Variants in NWD2 observed in about 807,000 individuals in gnomAD.
The protein encoded by NWD2 is NACHT and WD repeat domain containing 2.
Under a neutral mutation model 132.7 loss-of-function variants are expected in NWD2, and 37 were observed. The ratio of observed to expected loss-of-function variants is 0.28; its 90% CI spans 0.21 to 0.37. NWD2 has a LOEUF of 0.37. Among genes scored for constraint, NWD2 ranks in the 10% least tolerant of loss-of-function variants. The pLI, the probability that NWD2 is intolerant of heterozygous loss-of-function variation, is 1.00. For synonymous variants in NWD2, 705 were observed against 803.0 expected, an observed-to-expected ratio of 0.88 and a Z score of 2.06; for missense variants, 1,592 against 2,122.4, an observed-to-expected ratio of 0.75 and a Z score of 4.91.
rs376480832 is a variant in NWD2 at position 37,278,190 on chromosome 4, C to T, written c.151+32972C>T. 9.9e-5 allele frequency among the ~76,000 whole-genome samples: 15 copies of T among 152,188 alleles called. No individual in the cohort carries two copies. The East Asian group carries it at 2.1e-3, about 22-fold the overall frequency. ...ACTTTTATCTGTGCCCTTTAAGGTC[C>T]ATTTACATAACCTTAGGTTTAGTTA... On this transcript the variant is annotated intron_variant, in intron 1 of 6. Transcript: ENST00000309447.
chr4:37,270,152 T>A (rs998095114), intron 1 of NWD2, among the ~76,000 whole-genome samples: 3 of 151,776 alleles, frequency 2.0e-5, no homozygotes, highest in Non-Finnish European at 4.4e-5. Flanking sequence ...GACTCATTTT[T>A]AAAAAATAAC....
intron 5 of NWD2, among the ~76,000 whole-genome samples, chr4:37,437,358 T>C (rs1712348526): frequency 1.3e-5 from 2 of 152,158 alleles, no homozygotes; most frequent in Admixed American, 1.3e-4. Context: ...AGATCTCTTT[T>C]ATATGAACAC....
intron 2 of NWD2, among the ~76,000 whole-genome samples, chr4:37,353,068 G>C (rs1719801647): frequency 6.6e-6 from 1 of 152,116 alleles, no homozygotes; most frequent in Non-Finnish European, 1.5e-5. Flanking sequence ...AAATCTCTCA[G>C]CATTTGCTTG....
At chr4:37,308,515 A>G (rs986777328) in intron 1 of NWD2, among the ~76,000 whole-genome samples, 1 of 152,210 alleles carries the variant, frequency 6.6e-6, no homozygotes, top group Non-Finnish European at 1.5e-5. Context: ...GGCAGCAGCC[A>G]TTAGTGGCAG....
chr4:37,301,443 TGG>T (rs1718610302), intron 1 of NWD2, among the ~76,000 whole-genome samples: 1 of 152,066 alleles, frequency 6.6e-6, no homozygotes, highest in Admixed American at 6.5e-5. Flanking sequence ...ATTTTTTTTC[TGG>T]AATTCAAAAG....
chr4:37,387,123 A>G (rs1257889095), intron 3 of NWD2, among the ~76,000 whole-genome samples: 1 of 152,218 alleles, frequency 6.6e-6, no homozygotes, highest in East Asian at 1.9e-4. Flanking sequence ...GCAATAAACC[A>G]GGACATTATC....
intron 1 of NWD2, among the ~76,000 whole-genome samples, chr4:37,298,227 T>A (rs1352655740): frequency 6.6e-6 from 1 of 152,158 alleles, no homozygotes; most frequent in Non-Finnish European, 1.5e-5. Context: ...AGCCCATATC[T>A]GATAAGGCAG....
rs1365036603 is a variant in NWD2, at chr4:37,443,891, T to G, written c.1903T>G (p.Ser635Ala). The stretch of plus-strand genomic sequence containing the variant: ...CAAAGACGTCGATGAATCCTCCCTC[T>G]CTGTCACCGTTCATGAAAGTATAGA... ...SHKDVDESSL[S>A]VTVHESIEQL... Residue 635 changes from serine (S) to alanine (A), a missense_variant, in exon 7 of 7, where the codon TCT becomes GCT. By Grantham distance (99) the Ser-to-Ala change is moderately conservative. Coordinates refer to ENST00000309447, the MANE Select transcript of NWD2 (RefSeq NM_001144990.2). The surrounding 1 kb of genome is among the most constrained non-coding windows in gnomAD (Gnocchi z 4.1). The G allele has an allele frequency of 6.4e-7, 1 of 1,552,248 alleles. No homozygotes were observed. The highest frequency in any genetic ancestry group is 8.7e-7 in the Non-Finnish European group (1 of 1,147,158).
At chr4:37,251,378 C>A (rs2109254994) in intron 1 of NWD2, among the ~76,000 whole-genome samples, 1 of 152,312 alleles carries the variant, frequency 6.6e-6, no homozygotes, top group Admixed American at 6.5e-5. Context: ...CATTATGTGG[C>A]ACATGACTGT....
In NWD2 at chr4:37,443,501, C is replaced by A. The variant is rs1712541384; in HGVS notation, c.1513C>A (p.Leu505Met). ...TATAAATCTTTTGAATGAGTCTTCA[C>A]TGCAGAGACCTCTAGTCATAATATT... Reference protein sequence around the residue: ...LFINLLNESSLQRPLVIIFDA... With the variant: ...LFINLLNESSMQRPLVIIFDA... The change falls in exon 7 of 7, where the codon CTG becomes ATG. Residue 505 changes from leucine (L) to methionine (M), a missense_variant. Physicochemically the swap from Leu to Met is conservative, Grantham distance 15. This residue lies in a region of NWD2 where 1,071 missense variants were observed against 1,398.0 expected (regional missense o/e 0.77). Transcript: ENST00000309447. The surrounding 1 kb of genome is among the most constrained non-coding windows in gnomAD (Gnocchi z 4.1). The A allele has an allele frequency of 6.4e-7, 1 of 1,551,874 alleles. No homozygotes were observed. Among genetic ancestry groups the A allele is most frequent in the African/African-American group, 1.4e-5 (1 of 73,054 alleles).
At chr4:37,357,074 C>T (rs778516024) in intron 3 of NWD2, among the ~76,000 whole-genome samples, 1 of 152,112 alleles carries the variant, frequency 6.6e-6, no homozygotes, top group Non-Finnish European at 1.5e-5. Flanking sequence ...AATACTCACT[C>T]CTCTGTGTTA....
intron 3 of NWD2, among the ~76,000 whole-genome samples, chr4:37,365,726 C>T (rs1017170451): frequency 5.0e-4 from 76 of 152,158 alleles, no homozygotes; most frequent in South Asian, 6.2e-4. Context: ...CCAAGAGGGC[C>T]GTTGAAATAA....
At chr4:37,302,622 T>A (rs1030007187) in intron 1 of NWD2, among the ~76,000 whole-genome samples, 2 of 152,142 alleles carry the variant, frequency 1.3e-5, no homozygotes, top group Non-Finnish European at 2.9e-5. Flanking sequence ...CCAGCATTTT[T>A]TTTATTTTTT....
At chr4:37,309,410 GT>G (rs1444523370) in intron 1 of NWD2, among the ~76,000 whole-genome samples, 9 of 152,042 alleles carry the variant, frequency 5.9e-5, no homozygotes, top group Non-Finnish European at 1.3e-4. Context: ...CAGGTGCTGA[GT>G]TCACAGCTAC....
In NWD2 at chr4:37,325,864, G is replaced by A. The variant is rs78041444; in HGVS notation, c.152-72G>A. ...GTATTACTGTTAGTATTTATTTTTA[G>A]GTTTTCATTTTTTTGCCAGAAACAT... On this transcript the variant is annotated intron_variant, in intron 1 of 6. Transcript: ENST00000309447. 2.2e-3 allele frequency: 1,822 copies of A among 842,030 alleles called. 18 individuals carry two copies. In the African/African-American group the frequency reaches 0.029, roughly 13 times the overall value. 52.2% of individuals were successfully genotyped at this position (842,030 alleles called of 1,614,324 possible).
chr4:37,359,730 T>C (rs1372390212), intron 3 of NWD2, among the ~76,000 whole-genome samples: 1 of 152,222 alleles, frequency 6.6e-6, no homozygotes, highest in African/African-American at 2.4e-5. Context: ...AAGGGAACTT[T>C]AGTCTTCAGT....
intron 3 of NWD2, among the ~76,000 whole-genome samples, chr4:37,361,863 G>A (rs1172493987): frequency 6.6e-6 from 1 of 151,936 alleles, no homozygotes; most frequent in African/African-American, 2.4e-5. Flanking sequence ...CATCCAAATA[G>A]GAAAAGAAGA....
chr4:37,415,283 A>T (rs980832477), intron 3 of NWD2, among the ~76,000 whole-genome samples: 20 of 152,262 alleles, frequency 1.3e-4, no homozygotes, highest in Admixed American at 1.2e-3. Flanking sequence ...TCTTGGCTTT[A>T]AAGTGGAGGT....
At chr4:37,401,682 C>T (rs1020050167) in intron 3 of NWD2, among the ~76,000 whole-genome samples, 6 of 152,148 alleles carry the variant, frequency 3.9e-5, no homozygotes, top group Admixed American at 2.0e-4. Context: ...TTAATATAAG[C>T]CTGAAGGTCT....
Sources: gnomAD v4.1 joint callset for allele counts (sites outside exome capture counted in the v4.1 genomes callset) on GRCh38, gnomAD v4.1.1 for gene constraint, gnomAD v4.1.1 regional missense constraint, Gnocchi (gnomAD v3.1) non-coding constraint, MANE v1.5 for transcripts, NCBI Gene and HGNC (gene_info 2026-07-23, HGNC 2026-07-21) for gene names.